The following FBXL5 variants were observed in gnomAD, a reference collection of about 807,000 sequenced individuals.
FBXL5 encodes the protein F-box and leucine rich repeat protein 5.
Under a neutral mutation model 78.3 loss-of-function variants are expected in FBXL5, and 26 were observed. The ratio of observed to expected loss-of-function variants is 0.33; its 90% confidence interval spans 0.24 to 0.46. FBXL5 has a LOEUF of 0.46. Ranked by LOEUF, FBXL5 falls within the 20% of genes least tolerant of loss-of-function variation. The pLI, the probability that FBXL5 is intolerant of heterozygous loss-of-function variation, is 1.00. For missense variants in FBXL5, 710 were observed against 829.2 expected, an observed-to-expected ratio of 0.86 and a Z score of 1.77; for synonymous variants, 295 against 282.5, an observed-to-expected ratio of 1.04 and a Z score of -0.45.
At chr4:15,670,710 GAA>G (rs59482229) in intron 1 of FBXL5, among the ~76,000 whole-genome samples, 3 of 148,876 alleles carry the variant, frequency 2.0e-5, no homozygotes, top group African/African-American at 5.0e-5. Flanking sequence ...TTGAAAAAAG[GAA>G]AAAAAAAAAC....
chr4:15,678,053 G>A (rs1239861464), intron 1 of FBXL5, among the ~76,000 whole-genome samples: 1 of 152,174 alleles, frequency 6.6e-6, no homozygotes, highest in African/African-American at 2.4e-5. Flanking sequence ...AAATGGGCGG[G>A]TGGGTGTGTT....
intron 10 of FBXL5, among the ~76,000 whole-genome samples, chr4:15,609,299 A>C (rs1409248366): frequency 6.6e-6 from 1 of 152,174 alleles, no homozygotes; most frequent in Non-Finnish European, 1.5e-5. Context: ...AAAATATTTA[A>C]ATGCGTGGTA....
chr4:15,655,065 T>A, intron 1 of FBXL5, 139 bp downstream of exon 1: 1 of 547,768 alleles, frequency 1.8e-6, no homozygotes, highest in East Asian at 7.0e-5. Context: ...CGGGCGGCGC[T>A]GACAGCTGCG....
At chr4:15,650,264 G>C (rs2148703777) in intron 1 of FBXL5, among the ~76,000 whole-genome samples, 1 of 152,312 alleles carries the variant, frequency 6.6e-6, no homozygotes, top group Non-Finnish European at 1.5e-5. Context: ...TGTTGCTCTA[G>C]AAAACTGTTT....
At chr4:15,662,349 T>TC (rs1271400142), upstream of FBXL5, among the ~76,000 whole-genome samples, 2 of 151,402 alleles carry the variant, frequency 1.3e-5, no homozygotes, top group East Asian at 3.9e-4. Flanking sequence ...CCAGGGCAAA[T>TC]CATCTATTCT....
At chr4:15,671,470 T>C (rs1038119146) in intron 1 of FBXL5, among the ~76,000 whole-genome samples, 1 of 151,808 alleles carries the variant, frequency 6.6e-6, no homozygotes, top group Non-Finnish European at 1.5e-5. Flanking sequence ...ACAGGGTCTC[T>C]CCACATTGCC....
chr4:15,671,905 T>C (rs983897884), intron 1 of FBXL5, among the ~76,000 whole-genome samples: 42 of 152,224 alleles, frequency 2.8e-4, no homozygotes, highest in African/African-American at 1.0e-3. Flanking sequence ...GATTGACATC[T>C]ATCTTCCATG....
intron 1 of FBXL5, among the ~76,000 whole-genome samples, chr4:15,674,892 G>A (rs769483374): frequency 7.2e-5 from 11 of 152,048 alleles, no homozygotes; most frequent in Non-Finnish European, 1.2e-4. Flanking sequence ...CTTGTGATCC[G>A]TCTGCCTCGG....
chr4:15,669,155 C>G (rs1717662124), intron 1 of FBXL5, among the ~76,000 whole-genome samples: 1 of 152,176 alleles, frequency 6.6e-6, no homozygotes, highest in Non-Finnish European at 1.5e-5. Context: ...AAATCTGTCA[C>G]TAGGCCATTG....
At chr4:15,659,101 A>T (rs982566677), upstream of FBXL5, among the ~76,000 whole-genome samples, 1 of 152,210 alleles carries the variant, frequency 6.6e-6, no homozygotes, top group Admixed American at 6.5e-5. Flanking sequence ...ATATTTAATG[A>T]CAAAAAATCA....
At chr4:15,621,253 G>C (rs1577435055) in intron 9 of FBXL5, among the ~76,000 whole-genome samples, 1 of 152,130 alleles carries the variant, frequency 6.6e-6, no homozygotes, top group Non-Finnish European at 1.5e-5. Context: ...AATAAATTTA[G>C]CTGAATAGTA....
At chr4:15,668,424 A>C (rs1208315518) in intron 1 of FBXL5, among the ~76,000 whole-genome samples, 3 of 152,094 alleles carry the variant, frequency 2.0e-5, no homozygotes, top group African/African-American at 2.4e-5. Flanking sequence ...GAGTTTTTAA[A>C]CAGCAGATTT....
At chr4:15,668,705 C>T (rs116213791) in intron 1 of FBXL5, among the ~76,000 whole-genome samples, 2,794 of 152,120 alleles carry the variant, frequency 0.018, 50 homozygotes, top group Non-Finnish European at 0.027. Flanking sequence ...ATGCTGAACT[C>T]ACTGACAAAG....
intron 9 of FBXL5, 34 bp from the exon 10 acceptor site, chr4:15,612,448 C>G: frequency 6.4e-7 from 1 of 1,562,900 alleles, no homozygotes; most frequent in African/African-American, 1.6e-5. Context: ...TTAGAAGATA[C>G]TAATCTATAA....
chr4:15,611,258 T>C (rs1722244063), intron 10 of FBXL5, among the ~76,000 whole-genome samples: 2 of 152,116 alleles, frequency 1.3e-5, no homozygotes, highest in Admixed American at 6.5e-5. Context: ...TTATATATTT[T>C]AAGGAAAACC....
chr4:15,614,337 T>A (rs1005588347), intron 9 of FBXL5, among the ~76,000 whole-genome samples: 3 of 152,112 alleles, frequency 2.0e-5, no homozygotes, highest in Admixed American at 6.5e-5. Context: ...CCAGTGGAGA[T>A]AGGAGGGGAG....
chr4:15,609,864 C>T (rs1421850473), intron 10 of FBXL5, among the ~76,000 whole-genome samples: 2 of 152,024 alleles, frequency 1.3e-5, no homozygotes, highest in East Asian at 3.8e-4. Flanking sequence ...TCCAAAATCT[C>T]TGCTAATGCT....
chr4:15,612,223 A>T (rs950498147), intron 10 of FBXL5, 43 bp downstream of exon 10: 14 of 1,418,456 alleles, frequency 9.9e-6, no homozygotes, highest in Middle Eastern at 1.8e-4. Context: ...AAAAAATTTT[A>T]AATTAATTCC....
chr4:15,677,889 G>A (rs1718053795), intron 1 of FBXL5, among the ~76,000 whole-genome samples: 1 of 151,984 alleles, frequency 6.6e-6, no homozygotes, highest in African/African-American at 2.4e-5. Context: ...CCTGAGACTT[G>A]TGGCTGGCAT....
Sources: gnomAD v4.1 joint callset for allele counts (sites outside exome capture counted in the v4.1 genomes callset) on GRCh38, gnomAD v4.1.1 for gene constraint, MANE v1.5 for transcripts, NCBI Gene and HGNC (gene_info 2026-07-23, HGNC 2026-07-21) for gene names.